Variants in PPARGC1A observed in about 807,000 individuals in gnomAD.
PPARGC1A encodes the protein PPARG coactivator 1 alpha, also known as peroxisome proliferator-activated receptor gamma coactivator 1-alpha.
In PPARGC1A, 25 loss-of-function variants were observed where a neutral mutation model predicts 88.7. That is an observed-to-expected ratio of 0.28 (90% confidence interval 0.21 to 0.39). The LOEUF is 0.39. Ranked by LOEUF, PPARGC1A falls within the 10% of genes least tolerant of loss-of-function variation. The probability of loss-of-function intolerance (pLI) is 1.00; values close to 1 mark genes in which losing one functional copy is unlikely to be tolerated. For missense variants in PPARGC1A, 880 were observed against 968.7 expected (o/e 0.91, Z 1.22); for synonymous variants, 363 against 355.6 (o/e 1.02, Z -0.24).
chr4:24,361,688 G>A, the PPARGC1A span, among the ~76,000 whole-genome samples: 1 of 152,196 alleles, frequency 6.6e-6, no homozygotes, highest in Non-Finnish European at 1.5e-5. Flanking sequence ...TTAAAGGCAA[G>A]ATATCCAGGT....
the PPARGC1A span, among the ~76,000 whole-genome samples, chr4:24,122,156 G>A: frequency 1.3e-5 from 2 of 152,222 alleles, no homozygotes; most frequent in South Asian, 2.1e-4. Flanking sequence ...CTTGGCTGGC[G>A]AGCTGGTGAG....
chr4:24,353,617 T>C, the PPARGC1A span, among the ~76,000 whole-genome samples: 1 of 152,198 alleles, frequency 6.6e-6, no homozygotes, highest in African/African-American at 2.4e-5. Flanking sequence ...CTGTAAAATA[T>C]AATATCTCCC....
chr4:24,186,832 A>C, the PPARGC1A span, among the ~76,000 whole-genome samples: 1 of 152,088 alleles, frequency 6.6e-6, no homozygotes, highest in Non-Finnish European at 1.5e-5. Flanking sequence ...GAAAATAAAA[A>C]AATTAAAAAA....
chr4:23,910,371 T>TATATTATATTATA, the PPARGC1A span, among the ~76,000 whole-genome samples: 1 of 97,548 alleles, frequency 1.0e-5, no homozygotes, highest in African/African-American at 4.4e-5. Flanking sequence ...ATATATTATA[T>TATATTATATTATA]TATATTATAT....
chr4:24,264,006 C>T, the PPARGC1A span, among the ~76,000 whole-genome samples: 5 of 152,164 alleles, frequency 3.3e-5, no homozygotes, highest in Non-Finnish European at 1.5e-5. Flanking sequence ...TTGCCTCAGC[C>T]TCCCAAAGTG....
At chr4:24,326,092 C>T in the PPARGC1A span, among the ~76,000 whole-genome samples, 4 of 152,142 alleles carry the variant, frequency 2.6e-5, no homozygotes, top group Admixed American at 6.5e-5. Flanking sequence ...TATTCTCCCA[C>T]CTTAACCCAC....
At chr4:24,117,654 G>T in the PPARGC1A span, among the ~76,000 whole-genome samples, 405 of 151,724 alleles carry the variant, frequency 2.7e-3, 5 homozygotes, top group East Asian at 0.051. Flanking sequence ...CCCCTGGAAA[G>T]ATCGCTGCCC....
chr4:24,349,442 C>G, the PPARGC1A span, among the ~76,000 whole-genome samples: 2 of 152,264 alleles, frequency 1.3e-5, no homozygotes, highest in Admixed American at 1.3e-4. Flanking sequence ...CTAGGCGTGT[C>G]TGAGCTCAAA....
At chr4:24,133,862 G>A in the PPARGC1A span, among the ~76,000 whole-genome samples, 1 of 152,122 alleles carries the variant, frequency 6.6e-6, no homozygotes, top group African/African-American at 2.4e-5. Flanking sequence ...ACTAGAATAA[G>A]GAGCAAACTT....
At chr4:24,351,101 C>T in the PPARGC1A span, among the ~76,000 whole-genome samples, 1 of 151,992 alleles carries the variant, frequency 6.6e-6, no homozygotes, top group Non-Finnish European at 1.5e-5. Flanking sequence ...AGCGGTGGCT[C>T]ATGCCTATAG....
the PPARGC1A span, among the ~76,000 whole-genome samples, chr4:24,067,994 G>GTGTGTGCT: frequency 4.3e-4 from 65 of 152,190 alleles, no homozygotes; most frequent in African/African-American, 1.4e-3. Flanking sequence ...GAGCACATAT[G>GTGTGTGCT]TGTGTGCTTG....
In PPARGC1A at chr4:23,829,556, G is replaced by T; in HGVS notation, c.459C>A (p.Asn153Lys). 1 of 1,612,886 alleles carries T rather than the reference G, an allele frequency of 6.2e-7. No individual in the cohort carries two copies. The highest frequency in any genetic ancestry group is 1.1e-5 in the South Asian group (1 of 90,906). The change falls in exon 4 of 13, where the codon AAC becomes AAA. Residue 153 changes from asparagine (N) to lysine (K), a missense_variant. By Grantham distance (94) the Asn-to-Lys change is moderately conservative (BLOSUM62 0). Transcript: ENST00000264867. ...LLKKLLLAPANTQLSYNECSG... is the reference protein window; with the variant it reads ...LLKKLLLAPAKTQLSYNECSG... ...TGCATTCATTATAACTTAGCTGAGT[G>T]TTGGCTGGTGCCAGTAAGAGCTTCT...
At chr4:24,188,148 A>G in the PPARGC1A span, among the ~76,000 whole-genome samples, 2 of 152,150 alleles carry the variant, frequency 1.3e-5, no homozygotes, top group African/African-American at 2.4e-5. Context: ...AATTCCAGGA[A>G]CTGAGGAAGA....
chr4:23,964,467 G>A, the PPARGC1A span, among the ~76,000 whole-genome samples: 1 of 152,184 alleles, frequency 6.6e-6, no homozygotes, highest in Non-Finnish European at 1.5e-5. Context: ...GATAATCCAT[G>A]GTATTTCTCA....
chr4:24,022,710 G>T, the PPARGC1A span, among the ~76,000 whole-genome samples: 1 of 152,206 alleles, frequency 6.6e-6, no homozygotes, highest in African/African-American at 2.4e-5. Flanking sequence ...AGAGTCCCGG[G>T]CAATAAGGAT....
chr4:24,223,034 C>T, the PPARGC1A span, among the ~76,000 whole-genome samples: 13 of 152,048 alleles, frequency 8.5e-5, no homozygotes, highest in Non-Finnish European at 8.8e-5. Context: ...ATACCTTTTG[C>T]GTAACAGTGT....
At chr4:24,173,338 C>CAAA in the PPARGC1A span, among the ~76,000 whole-genome samples, 2 of 117,592 alleles carry the variant, frequency 1.7e-5, no homozygotes, top group Admixed American at 8.7e-5. Flanking sequence ...CTTTCCCCAC[C>CAAA]AAAAAAAAAA....
chr4:23,911,956 T>C, the PPARGC1A span, among the ~76,000 whole-genome samples: 133,689 of 152,206 alleles, frequency 0.88, 59,400 homozygotes, highest in African/African-American at 0.97. Flanking sequence ...GAAGCTTCTC[T>C]GAAACTGCAT....
chr4:24,295,569 G>C, the PPARGC1A span, among the ~76,000 whole-genome samples: 1 of 151,886 alleles, frequency 6.6e-6, no homozygotes, highest in African/African-American at 2.4e-5. Context: ...TTATTAGCAA[G>C]ATTAACAGGG....
Sources: allele counts gnomAD v4.1 joint callset (sites outside exome capture counted in the v4.1 genomes callset), GRCh38; gene constraint gnomAD v4.1.1; transcripts MANE v1.5; gene names NCBI Gene and HGNC (gene_info 2026-07-23, HGNC 2026-07-21).